Variants in QTGAL observed in about 807,000 individuals in gnomAD.
The protein encoded by QTGAL is queuosine-tRNA galactosyltransferase.
At chr17:83,028,652 G>A in the QTGAL span, among the ~76,000 whole-genome samples, 1 of 151,972 alleles carries the variant, frequency 6.6e-6, no homozygotes, top group African/African-American at 2.4e-5. Context: ...CAGCATCAAC[G>A]CCGCAGAGCC....
the QTGAL span, among the ~76,000 whole-genome samples, chr17:83,037,412 C>T: frequency 2.2e-4 from 34 of 152,344 alleles, no homozygotes; most frequent in African/African-American, 7.9e-4. This position sits in a 1 kb window ranked among gnomAD's most constrained non-coding sequence, Gnocchi z 5.2. Flanking sequence ...AGTTTAATTT[C>T]TAGCATTAAT....
the QTGAL span, among the ~76,000 whole-genome samples, chr17:82,946,539 A>C: frequency 1.4e-5 from 2 of 138,102 alleles, no homozygotes; most frequent in African/African-American, 5.1e-5. Context: ...AAGGAGAAAA[A>C]CTTGACCCAA....
the QTGAL span, chr17:83,006,039 C>A: frequency 1.4e-5 from 14 of 1,024,188 alleles, no homozygotes; most frequent in Non-Finnish European, 1.6e-5. This position sits in a 1 kb window ranked among gnomAD's most constrained non-coding sequence, Gnocchi z 5.8. Context: ...TAGGAAACAG[C>A]ACCCACCCCA....
the QTGAL span, chr17:83,011,646 A>C: frequency 2.0e-5 from 3 of 152,360 alleles, no homozygotes; most frequent in African/African-American, 7.2e-5. Context: ...CGACGTGGAG[A>C]AACGGGGTGG....
the QTGAL span, among the ~76,000 whole-genome samples, chr17:83,027,434 A>G: frequency 6.6e-5 from 10 of 152,234 alleles, no homozygotes; most frequent in Admixed American, 6.5e-4. Context: ...GAAAAACACA[A>G]CTTCTCCTTC....
At chr17:83,012,596 G>A in the QTGAL span, among the ~76,000 whole-genome samples, 24 of 152,284 alleles carry the variant, frequency 1.6e-4, no homozygotes, top group Admixed American at 5.9e-4. Context: ...CCAGTCCACA[G>A]GACCACACAG....
At chr17:82,958,239 G>A in the QTGAL span, among the ~76,000 whole-genome samples, 5 of 152,352 alleles carry the variant, frequency 3.3e-5, no homozygotes, top group East Asian at 1.9e-4. Context: ...AGAGGCCAAC[G>A]GGGCCAGAAC....
chr17:82,958,724 T>C, the QTGAL span, among the ~76,000 whole-genome samples: 1 of 151,744 alleles, frequency 6.6e-6, no homozygotes, highest in Non-Finnish European at 1.5e-5. Context: ...TGCAGCCACC[T>C]CAATAGTCCG....
At chr17:82,989,495 TAAAAA>T in the QTGAL span, among the ~76,000 whole-genome samples, 11 of 122,500 alleles carry the variant, frequency 9.0e-5, no homozygotes, top group East Asian at 1.2e-3. Context: ...ATTCTGGAAC[TAAAAA>T]AAAAAAAAAA....
chr17:82,993,972 C>A, the QTGAL span, among the ~76,000 whole-genome samples: 1 of 152,038 alleles, frequency 6.6e-6, no homozygotes, highest in South Asian at 2.1e-4. Flanking sequence ...ATAATGGAAA[C>A]ACAACATACC....
chr17:83,016,799 G>A, the QTGAL span, among the ~76,000 whole-genome samples: 1 of 151,794 alleles, frequency 6.6e-6, no homozygotes, highest in Non-Finnish European at 1.5e-5. Context: ...GGAGGAGGAG[G>A]AGGGCTAAAA....
the QTGAL span, chr17:82,981,593 C>T: frequency 6.6e-6 from 1 of 152,216 alleles, no homozygotes; most frequent in Non-Finnish European, 1.5e-5. Context: ...TTTAATGAAC[C>T]AGTGTGGGAA....
chr17:83,024,688 C>T, the QTGAL span, among the ~76,000 whole-genome samples: 3 of 152,222 alleles, frequency 2.0e-5, no homozygotes, highest in Admixed American at 6.5e-5. Context: ...GCGGAAGCTG[C>T]GGGTTCCTGG....
chr17:82,965,885 G>A, the QTGAL span: 3 of 890,346 alleles, frequency 3.4e-6, no homozygotes, highest in Middle Eastern at 2.2e-4. Flanking sequence ...GGCCTCAAGA[G>A]ACTTCACCAC....
chr17:83,015,588 GA>G, the QTGAL span, among the ~76,000 whole-genome samples: 10 of 152,222 alleles, frequency 6.6e-5, no homozygotes, highest in Non-Finnish European at 1.2e-4. This position sits in a 1 kb window ranked among gnomAD's most constrained non-coding sequence, Gnocchi z 4.4. Flanking sequence ...TATTATTTAA[GA>G]AATGCACACA....
the QTGAL span, among the ~76,000 whole-genome samples, chr17:83,014,225 C>T: frequency 3.3e-5 from 5 of 152,176 alleles, no homozygotes; most frequent in South Asian, 4.1e-4. Flanking sequence ...AACAACACAA[C>T]CACCTTTGCA....
At chr17:83,051,100 CA>C in the QTGAL span, among the ~76,000 whole-genome samples, 2 of 112,016 alleles carry the variant, frequency 1.8e-5, no homozygotes, top group Non-Finnish European at 3.5e-5. Flanking sequence ...GTGCGCGCGG[CA>C]GGTGCGCGGG....
the QTGAL span, chr17:82,957,389 G>A: frequency 6.2e-7 from 1 of 1,613,268 alleles, no homozygotes; most frequent in Non-Finnish European, 8.5e-7. Context: ...TCAAGCTGCG[G>A]TACAGCCGGC....
chr17:83,018,127 G>A, the QTGAL span, among the ~76,000 whole-genome samples: 17 of 150,822 alleles, frequency 1.1e-4, no homozygotes, highest in African/African-American at 3.9e-4. Flanking sequence ...CCACAAACAC[G>A]GTGCACCTGC....
Sources: gnomAD v4.1 joint callset for allele counts (sites outside exome capture counted in the v4.1 genomes callset) on GRCh38, gnomAD v4.1.1 for gene constraint, Gnocchi (gnomAD v3.1) non-coding constraint, MANE v1.5 for transcripts, NCBI Gene and HGNC (gene_info 2026-07-23, HGNC 2026-07-21) for gene names.